The following SEMG1 variants were observed in gnomAD, a reference collection of about 807,000 sequenced individuals.
SEMG1 encodes semenogelin 1.
In SEMG1, 6 loss-of-function variants were observed where a neutral mutation model predicts 8.8. The ratio of observed to expected loss-of-function variants is 0.68; its 90% confidence interval spans 0.37 to 1.35. The LOEUF (loss-of-function observed/expected upper bound fraction) is 1.35. Ranked by LOEUF, SEMG1 falls within the 40% of genes most tolerant of loss-of-function variation. The probability of loss-of-function intolerance (pLI) is 0.02; values close to 1 mark genes in which losing one functional copy is unlikely to be tolerated. For missense variants in SEMG1, 580 were observed against 533.6 expected (o/e 1.09, Z -0.86); for synonymous variants, 221 against 190.3 (o/e 1.16, Z -1.33).
In SEMG1 at chr20:45,207,642, C is replaced by A. The variant is rs1303422493; in HGVS notation, c.345C>A (p.Asp115Glu). 5.6e-6 allele frequency: 9 copies of A among 1,613,752 alleles called. No homozygotes were observed. The highest frequency in any genetic ancestry group is 1.7e-5 in the Admixed American group (1 of 59,970). ...QLLHNKQEGR[D>E]HDKSKGHFHR... Reference sequence around the variant, plus strand: ...TCCATAATAAACAAGAAGGCAGAGACCATGATAAATCAAAAGGTCATTTTC... The same window carrying A: ...TCCATAATAAACAAGAAGGCAGAGAACATGATAAATCAAAAGGTCATTTTC... Residue 115 changes from aspartate to glutamate, a missense_variant, in exon 2 of 3, where the codon GAC becomes GAA. Physicochemically the swap from Asp to Glu is conservative, Grantham distance 45. Transcript: ENST00000372781.
At position 45,207,535 on chromosome 20, in the gene SEMG1, C is replaced by A. The variant is rs746897904; in HGVS notation, c.238C>A (p.Arg80=). Residue 80 remains arginine (R), a synonymous_variant, in exon 2 of 3, where the codon CGA becomes AGA. Transcript: ENST00000372781. ...HVDANDHDQS[R]KSQQYDLNAL... ...AGATGCCAATGATCATGACCAGTCC[C>A]GAAAAAGTCAGCAATATGATTTGAA... The A allele has an allele frequency of 2.5e-6, 4 of 1,613,556 alleles. No homozygotes were observed. Among genetic ancestry groups the A allele is most frequent in the Admixed American group, 1.7e-5 (1 of 59,962 alleles).
Position 45,207,072 on chromosome 20 carries a change from T to G in SEMG1, c.19T>G (p.Phe7Val). 2 of 1,613,816 alleles carry G rather than the reference T, an allele frequency of 1.2e-6. No homozygotes were observed. The highest frequency in any genetic ancestry group is 2.2e-5 in the South Asian group (2 of 91,070). ...AAGCAAGATGAAGCCCAACATCATCTTTGTACTTTCCCTGCTCCTCATCTT... is the reference window on the plus strand; with the variant it reads ...AAGCAAGATGAAGCCCAACATCATCGTTGTACTTTCCCTGCTCCTCATCTT... MKPNII[F>V]VLSLLLILEK... Residue 7 changes from phenylalanine to valine, a missense_variant, in exon 1 of 3, where the codon TTT (phenylalanine) becomes GTT (valine). Physicochemically the swap from Phe to Val is conservative, Grantham distance 50. Transcript: ENST00000372781.
rs1177389024 is a variant in SEMG1, at chr20:45,207,565, C to T, written c.268C>T (p.Leu90=). The change falls in exon 2 of 3, where the codon CTA becomes TTA. Residue 90 remains leucine (L), a synonymous_variant. Coordinates refer to ENST00000372781, the MANE Select transcript of SEMG1 (RefSeq NM_003007.5). The part of the protein sequence containing the change: ...RKSQQYDLNA[L]HKTTKSQRHL... ...AAGTCAGCAATATGATTTGAATGCC[C>T]TACATAAGACGACAAAATCACAACG... is the stretch of plus-strand genomic sequence containing the variant. 1.2e-6 allele frequency: 2 copies of T among 1,613,520 alleles called. No individual in the cohort carries two copies. Among genetic ancestry groups the T allele is most frequent in the Non-Finnish European group, 1.7e-6 (2 of 1,179,802 alleles).
At position 45,208,414 on chromosome 20, in the gene SEMG1, A is replaced by G. The variant is rs567927073; in HGVS notation, c.1117A>G (p.Ser373Gly). ...TGTGCAGAAAGATGTATCCCAACGC[A>G]GTATTTATAGCCAAACTGAAAAGCT... ...NGVQKDVSQR[S>G]IYSQTEKLVA... The change falls in exon 2 of 3, where the codon AGT becomes GGT. Residue 373 changes from serine to glycine, a missense_variant. Ser to Gly is a moderately conservative substitution (Grantham distance 56). Coordinates refer to ENST00000372781, the MANE Select transcript of SEMG1 (RefSeq NM_003007.5). 17 of 1,613,938 alleles carry G rather than the reference A, an allele frequency of 1.1e-5. No homozygotes were observed. The highest frequency in any genetic ancestry group is 1.4e-5 in the Non-Finnish European group (17 of 1,179,988).
In SEMG1 at chr20:45,207,846, A is replaced by T. The variant is rs2145583609; in HGVS notation, c.549A>T (p.Lys183Asn). Residue 183 changes from lysine to asparagine, a missense_variant, in exon 2 of 3, where the codon AAA (lysine) becomes AAT (asparagine). Transcript: ENST00000372781. ...KEQTSVSGAQ[K>N]GRKQGGSQSS... ...AAACTTCCGTCTCTGGTGCACAAAA[A>T]GGTAGAAAACAAGGCGGATCCCAAA... 2 of 1,613,928 alleles carry T rather than the reference A, an allele frequency of 1.2e-6. No individual in the cohort carries two copies. The highest frequency in any genetic ancestry group is 4.5e-5 in the East Asian group (2 of 44,884).
rs747971517 is a variant in SEMG1, at chr20:45,207,538, A to G, written c.241A>G (p.Lys81Glu). 6.2e-7 allele frequency: 1 copy of G among 1,613,938 alleles called. No homozygotes were observed. ...TGCCAATGATCATGACCAGTCCCGA[A>G]AAAGTCAGCAATATGATTTGAATGC... ...VDANDHDQSR[K>E]SQQYDLNALH... is the part of the protein sequence containing the mutation. The change falls in exon 2 of 3, where the codon AAA becomes GAA. Residue 81 changes from lysine to glutamate, a missense_variant. By Grantham distance (56) the Lys-to-Glu change is moderately conservative. Coordinates refer to ENST00000372781, the MANE Select transcript of SEMG1 (RefSeq NM_003007.5).
chr20:45,207,295 TG>T (rs1568834797), intron 1 of SEMG1, 78 bp from the exon 2 acceptor site: 1 of 1,445,994 alleles, frequency 6.9e-7, no homozygotes. Context: ...AATAATTTGT[TG>T]GGGGAAAAGT....
At position 45,208,020 on chromosome 20, in the gene SEMG1, G is replaced by A. The variant is rs201859336; in HGVS notation, c.723G>A (p.Ala241=). The change falls in exon 2 of 3, where the codon GCG becomes GCA. Residue 241 remains alanine (A), a synonymous_variant. Transcript: ENST00000372781. ...SSKVQTSLCP[A]HQDKLQHGSK... ...AAGTACAAACCTCACTCTGTCCTGC[G>A]CACCAAGACAAACTCCAACATGGAT... 111 of 1,613,928 alleles carry A rather than the reference G, an allele frequency of 6.9e-5. No homozygotes were observed. Among genetic ancestry groups the A allele is most frequent in the South Asian group, 5.9e-4 (54 of 91,060 alleles).
rs751003980 is a variant in SEMG1 at position 45,208,495 on chromosome 20, G to T, written c.1198G>T (p.Gly400Cys). Residue 400 changes from glycine (G) to cysteine (C), a missense_variant, in exon 2 of 3, where the codon GGT becomes TGT. Coordinates refer to ENST00000372781, the MANE Select transcript of SEMG1 (RefSeq NM_003007.5). ...AAATCCTAAGCAAGAGCCATGGCATGGTGAAAATGCAAAAGGAGAGTCTGG... is the reference window on the plus strand; with the variant it reads ...AAATCCTAAGCAAGAGCCATGGCATTGTGAAAATGCAAAAGGAGAGTCTGG... ...APNPKQEPWH[G>C]ENAKGESGQS... is the part of the protein sequence containing the mutation. The T allele has an allele frequency of 6.2e-7, 1 of 1,613,974 alleles. No individual in the cohort carries two copies. Among genetic ancestry groups the T allele is most frequent in the South Asian group, 1.1e-5 (1 of 91,034 alleles).
rs1983738020 is a variant in SEMG1, at chr20:45,207,894, A to G, written c.597A>G (p.Glu199=). ...AAAGCAGTTATGTTCTCCAAACTGA[A>G]GAGCTAGTAGCTAACAAACAACAAC... ...GSQSSYVLQT[E]ELVANKQQRE... The change falls in exon 2 of 3, where the codon GAA becomes GAG. Residue 199 remains glutamate (E), a synonymous_variant. Coordinates refer to ENST00000372781, the MANE Select transcript of SEMG1 (RefSeq NM_003007.5). The G allele has an allele frequency of 1.2e-6, 2 of 1,614,024 alleles. No individual in the cohort carries two copies. Among genetic ancestry groups the G allele is most frequent in the Non-Finnish European group, 1.7e-6 (2 of 1,179,988 alleles).
In SEMG1 at chr20:45,207,648, T is replaced by C. The variant is rs529895711; in HGVS notation, c.351T>C (p.Asp117=). The part of the protein sequence containing the change: ...LHNKQEGRDH[D]KSKGHFHRVV... ...ATAAACAAGAAGGCAGAGACCATGA[T>C]AAATCAAAAGGTCATTTTCACAGGG... The change falls in exon 2 of 3, where the codon GAT becomes GAC. Residue 117 remains aspartate (D), a synonymous_variant. Transcript: ENST00000372781. 3.1e-6 allele frequency: 5 copies of C among 1,613,794 alleles called. No homozygotes were observed. The Admixed American group carries it at 8.3e-5, about 27-fold the overall frequency.
Position 45,207,049 on chromosome 20 carries a change from G to A in SEMG1, c.-5G>A. The A allele has an allele frequency of 6.2e-7, 1 of 1,613,660 alleles. No homozygotes were observed. Among genetic ancestry groups the A allele is most frequent in the Non-Finnish European group, 8.5e-7 (1 of 1,179,662 alleles). On this transcript the variant is annotated 5_prime_UTR_variant, in exon 1 of 3. Transcript: ENST00000372781. ...TCAGCTCTCAGACAAGGTTTTCCAAGCAAGATGAAGCCCAACATCATCTTT... is the reference window on the plus strand; with the variant it reads ...TCAGCTCTCAGACAAGGTTTTCCAAACAAGATGAAGCCCAACATCATCTTT...
Position 45,207,083 on chromosome 20 carries a change from C to T in SEMG1, c.30C>T (p.Ser10=). ...AGCCCAACATCATCTTTGTACTTTCCCTGCTCCTCATCTTGGAGAAGCAAG... is the reference window on the plus strand; with the variant it reads ...AGCCCAACATCATCTTTGTACTTTCTCTGCTCCTCATCTTGGAGAAGCAAG... MKPNIIFVL[S]LLLILEKQAA... is the part of the protein sequence containing the mutation. The change falls in exon 1 of 3, where the codon TCC becomes TCT. Residue 10 remains serine (S), a synonymous_variant. Coordinates refer to ENST00000372781, the MANE Select transcript of SEMG1 (RefSeq NM_003007.5). The T allele has an allele frequency of 1.9e-6, 3 of 1,613,762 alleles. No homozygotes were observed. Among genetic ancestry groups the T allele is most frequent in the South Asian group, 2.2e-5 (2 of 91,060 alleles).
In SEMG1 at chr20:45,208,324, G is replaced by A. The variant is rs186005484; in HGVS notation, c.1027G>A (p.Ala343Thr). The change falls in exon 2 of 3, where the codon GCA becomes ACA. Residue 343 changes from alanine (A) to threonine (T), a missense_variant. Transcript: ENST00000372781. ...TCAAGAGCAAGAGCATAGCCAAAAG[G>A]CAAATAAAATATCATACCAATCTTC... ...PSQEQEHSQK[A>T]NKISYQSSST... 36 of 1,610,170 alleles carry A rather than the reference G, an allele frequency of 2.2e-5. No individual in the cohort carries two copies. In the East Asian group the frequency reaches 6.7e-4, roughly 30 times the overall value.
In SEMG1 at chr20:45,208,360, G is replaced by A. The variant is rs143454415; in HGVS notation, c.1063G>A (p.Glu355Lys). ...KISYQSSSTEERRLHYGENGV... is the reference protein window; with the variant it reads ...KISYQSSSTEKRRLHYGENGV... ...ATCATACCAATCTTCAAGTACGGAA[G>A]AAAGACGACTCCACTATGGAGAAAA... The change falls in exon 2 of 3, where the codon GAA becomes AAA. Residue 355 changes from glutamate (E) to lysine (K), a missense_variant. Physicochemically the swap from Glu to Lys is moderately conservative, Grantham distance 56 (BLOSUM62 1). Coordinates refer to ENST00000372781, the MANE Select transcript of SEMG1 (RefSeq NM_003007.5). 7 of 1,611,848 alleles carry A rather than the reference G, an allele frequency of 4.3e-6. No homozygotes were observed. The East Asian group carries it at 1.6e-4, about 36-fold the overall frequency.
In SEMG1 at chr20:45,207,445, G is replaced by A. The variant is rs772198498; in HGVS notation, c.148G>A (p.Gly50Arg). The A allele has an allele frequency of 2.5e-6, 4 of 1,613,784 alleles. No individual in the cohort carries two copies. The highest frequency in any genetic ancestry group is 4.5e-5 in the East Asian group (2 of 44,878). Residue 50 changes from glycine to arginine, a missense_variant, in exon 2 of 3, where the codon GGA (glycine) becomes AGA (arginine). Physicochemically the swap from Gly to Arg is moderately radical, Grantham distance 125. Coordinates refer to ENST00000372781, the MANE Select transcript of SEMG1 (RefSeq NM_003007.5). ...CGGACAAAAGGGCCAGCACTATTCT[G>A]GACAAAAAGGCAAGCAACAAACTGA... ...PHGQKGQHYS[G>R]QKGKQQTESK...
rs745966110 is a variant in SEMG1, at chr20:45,208,604, T to C, written c.1307T>C (p.Ile436Thr). The C allele has an allele frequency of 5.0e-6, 8 of 1,613,844 alleles. No homozygotes were observed. Among genetic ancestry groups the C allele is most frequent in the Non-Finnish European group, 6.8e-6 (8 of 1,179,856 alleles). ...CATGGATCTCATGGGGGATTGGATA[T>C]TGTAATTATAGAGCAGGAAGATGAC... ...HQHGSHGGLD[I>T]VIIEQEDDSD... Residue 436 changes from isoleucine (I) to threonine (T), a missense_variant, in exon 2 of 3, where the codon ATT becomes ACT. By Grantham distance (89) the Ile-to-Thr change is moderately conservative (BLOSUM62 -1). Transcript: ENST00000372781.
In SEMG1 at chr20:45,208,344, A is replaced by G. The variant is rs1568835823; in HGVS notation, c.1047A>G (p.Gln349=). The G allele has an allele frequency of 6.2e-7, 1 of 1,611,610 alleles. No individual in the cohort carries two copies. The highest frequency in any genetic ancestry group is 8.5e-7 in the Non-Finnish European group (1 of 1,178,676). Residue 349 remains glutamine, a synonymous_variant, in exon 2 of 3, where the codon CAA becomes CAG. Transcript: ENST00000372781. ...HSQKANKISY[Q]SSSTEERRLH... The stretch of plus-strand genomic sequence containing the variant: ...AAAAGGCAAATAAAATATCATACCA[A>G]TCTTCAAGTACGGAAGAAAGACGAC...
chr20:45,209,453 A>T (rs925696163), intron 2 of SEMG1, 148 bp from the exon 3 acceptor site: 2 of 152,292 alleles, frequency 1.3e-5, no homozygotes, highest in African/African-American at 4.8e-5. Context: ...CAGTAGAAAC[A>T]GTGGCCCCAG....
Sources: gnomAD v4.1 joint callset for allele counts on GRCh38, gnomAD v4.1.1 for gene constraint, MANE v1.5 for transcripts, NCBI Gene and HGNC (gene_info 2026-07-23, HGNC 2026-07-21) for gene names.